Variants in WDR6 observed in about 807,000 individuals in gnomAD.
WDR6 encodes tRNA (34-2'-O)-methyltransferase regulator WDR6.
A neutral mutation model predicts 85.6 loss-of-function variants in WDR6; 58 were observed. The observed-to-expected ratio is 0.68, with a 90% confidence interval of 0.55 to 0.84. The LOEUF (loss-of-function observed/expected upper bound fraction) is 0.84. Ranked by LOEUF, WDR6 falls within the 40% of genes least tolerant of loss-of-function variation. The pLI, the probability that WDR6 is intolerant of heterozygous loss-of-function variation, is 0.00. For missense variants in WDR6, 1,310 were observed against 1,476.4 expected (o/e 0.89, Z 1.85); for synonymous variants, 569 against 582.2 (o/e 0.98, Z 0.33).
At position 49,015,294 on chromosome 3, in the gene WDR6, C is replaced by G. The variant is rs376777128; in HGVS notation, c.*6C>G. On this transcript the variant is annotated 3_prime_UTR_variant, in exon 6 of 6. Coordinates refer to ENST00000608424, the MANE Select transcript of WDR6 (RefSeq NM_018031.6). ...TTTACAACTGGTATGACTGAGGTATCCTGCGGTGGCTGGCGTGCTGGGCAT... is the reference window on the plus strand; with the variant it reads ...TTTACAACTGGTATGACTGAGGTATGCTGCGGTGGCTGGCGTGCTGGGCAT... 21 of 1,606,034 alleles carry G rather than the reference C, an allele frequency of 1.3e-5. No homozygotes were observed. In the African/African-American group the frequency reaches 2.3e-4, roughly 17 times the overall value.
Position 49,012,915 on chromosome 3 carries a change from G to T in WDR6, c.1381G>T (p.Val461Leu), listed in dbSNP as rs1210036840. The T allele has an allele frequency of 6.2e-7, 1 of 1,613,866 alleles. No homozygotes were observed. The highest frequency in any genetic ancestry group is 8.5e-7 in the Non-Finnish European group (1 of 1,179,960). The change falls in exon 2 of 6, where the codon GTA becomes TTA. Residue 461 changes from valine (V) to leucine (L), a missense_variant. Val to Leu is a conservative substitution (Grantham distance 32). Coordinates refer to ENST00000608424, the MANE Select transcript of WDR6 (RefSeq NM_018031.6). This position sits in a 1 kb window ranked among gnomAD's most constrained non-coding sequence, Gnocchi z 4.4. ...GTTGCTGGCATCGGGCCCTGGCGGG[G>T]TAGTAGCTTGCCTAGAGATCTCAGC... The part of the protein sequence containing the change: ...LLLLASGPGG[V>L]VACLEISAAP...
Position 49,013,057 on chromosome 3 carries a change from G to A in WDR6, c.1523G>A (p.Cys508Tyr). ...AFLPPGDFLV[C>Y]GDRRGSVLLF... ...CTACCCCCAGGTGACTTCCTGGTGT[G>A]TGGTGACCGCCGGGGCTCTGTGCTG... Residue 508 changes from cysteine (C) to tyrosine (Y), a missense_variant, in exon 2 of 6, where the codon TGT becomes TAT. Transcript: ENST00000608424. This position sits in a 1 kb window ranked among gnomAD's most constrained non-coding sequence, Gnocchi z 4.6. The A allele has an allele frequency of 2.5e-6, 4 of 1,611,984 alleles. No homozygotes were observed. The highest frequency in any genetic ancestry group is 3.4e-6 in the Non-Finnish European group (4 of 1,178,610).
Position 49,015,524 on chromosome 3 carries a change from GTTTTTGC to G in WDR6, c.*242_*248del. The G allele has an allele frequency of 1.9e-6, 3 of 1,601,214 alleles. No individual in the cohort carries two copies. Among genetic ancestry groups the G allele is most frequent in the Non-Finnish European group, 2.6e-6 (3 of 1,172,292 alleles). ...CAGTACCAATTTATTTTGGCCGTGGGTTTTTGCTTTTTTTCCAGTTGATGACTTTGTG... is the reference window on the plus strand; with the variant it reads ...CAGTACCAATTTATTTTGGCCGTGGGTTTTTTTCCAGTTGATGACTTTGTG... On this transcript the variant is annotated 3_prime_UTR_variant, in exon 6 of 6. Coordinates refer to ENST00000608424, the MANE Select transcript of WDR6 (RefSeq NM_018031.6).
chr3:49,013,661 T>C lies in WDR6; in HGVS notation c.2127T>C (p.Arg709=), dbSNP rs1206198099. The change falls in exon 2 of 6, where the codon CGT becomes CGC. Residue 709 remains arginine (R), a synonymous_variant. Coordinates refer to ENST00000608424, the MANE Select transcript of WDR6 (RefSeq NM_018031.6). The surrounding 1 kb of genome is among the most constrained non-coding windows in gnomAD (Gnocchi z 4.6). ...GCCGTGAGATCACTTGTGTAAAGCGTGTGGGCACCATTACCCTGGGGCCTG... is the reference window on the plus strand; with the variant it reads ...GCCGTGAGATCACTTGTGTAAAGCGCGTGGGCACCATTACCCTGGGGCCTG... The part of the protein sequence containing the change: ...LHGREITCVK[R]VGTITLGPEY... 1.2e-6 allele frequency: 2 copies of C among 1,614,082 alleles called. No individual in the cohort carries two copies. The highest frequency in any genetic ancestry group is 3.3e-5 in the Admixed American group (2 of 60,028).
chr3:49,015,480 G>T lies in WDR6; in HGVS notation c.*192G>T. 6.5e-7 allele frequency: 1 copy of T among 1,543,488 alleles called. No homozygotes were observed. Among genetic ancestry groups the T allele is most frequent in the African/African-American group, 1.4e-5 (1 of 73,162 alleles). On this transcript the variant is annotated 3_prime_UTR_variant, in exon 6 of 6. Coordinates refer to ENST00000608424, the MANE Select transcript of WDR6 (RefSeq NM_018031.6). The stretch of plus-strand genomic sequence containing the variant: ...GAATATGCCCGACTCCCCATGACAA[G>T]ACAGAACTTTGTAACAAACAGTACC...
rs752221907 is a variant in WDR6, at chr3:49,011,901, C to T, written c.367C>T (p.Arg123Cys). 49 of 1,614,174 alleles carry T rather than the reference C, an allele frequency of 3.0e-5. No individual in the cohort carries two copies. The Middle Eastern group carries it at 4.9e-4, about 16-fold the overall frequency. ...CATGTCTGACTGGATTTGGGATGCA[C>T]GCTGGCTTGAGGGAAATATAGCCTT... ...WNMSDWIWDARWLEGNIALAL... is the reference protein window; with the variant it reads ...WNMSDWIWDACWLEGNIALAL... Residue 123 changes from arginine (R) to cysteine (C), a missense_variant, in exon 2 of 6, where the codon CGC (arginine) becomes TGC (cysteine). By Grantham distance (180) the Arg-to-Cys change is radical. Transcript: ENST00000608424.
rs1371981720 is a variant in WDR6, at chr3:49,007,553, G to T, written c.100+22G>T. 6.4e-7 allele frequency: 1 copy of T among 1,572,186 alleles called. No homozygotes were observed. Among genetic ancestry groups the T allele is most frequent in the East Asian group, 2.3e-5 (1 of 43,638 alleles). On this transcript the variant is annotated intron_variant, in intron 1 of 5. Transcript: ENST00000608424. The surrounding 1 kb of genome is among the most constrained non-coding windows in gnomAD (Gnocchi z 5.1). ...GCGGGTGAGGCTTGGCTTGAGGCAC[G>T]CCTGGTGGAAAGGGGGAAAGAAACA...
In WDR6 at chr3:49,014,362, G is replaced by C; in HGVS notation, c.2667-21G>C. The C allele has an allele frequency of 6.2e-7, 1 of 1,614,070 alleles. No homozygotes were observed. The highest frequency in any genetic ancestry group is 8.5e-7 in the Non-Finnish European group (1 of 1,179,996). On this transcript the variant is annotated intron_variant, in intron 3 of 5. Coordinates refer to ENST00000608424, the MANE Select transcript of WDR6 (RefSeq NM_018031.6). The surrounding 1 kb of genome is among the most constrained non-coding windows in gnomAD (Gnocchi z 4.9). ...GGTTGTCTAGGATGCGTTCTGAGCTGGGCCACCCCCCGCCCCCCAGGCTCT... is the reference window on the plus strand; with the variant it reads ...GGTTGTCTAGGATGCGTTCTGAGCTCGGCCACCCCCCGCCCCCCAGGCTCT...
chr3:49,014,544 G>T lies in WDR6; in HGVS notation c.2783+45G>T, dbSNP rs1281726610. The T allele has an allele frequency of 1.2e-6, 2 of 1,613,654 alleles. No individual in the cohort carries two copies. The highest frequency in any genetic ancestry group is 8.5e-7 in the Non-Finnish European group (1 of 1,179,864). On this transcript the variant is annotated intron_variant, in intron 4 of 5. Transcript: ENST00000608424. This position sits in a 1 kb window ranked among gnomAD's most constrained non-coding sequence, Gnocchi z 4.9. The stretch of plus-strand genomic sequence containing the variant: ...GGTCCTGCATGGGCTGGGTTGGGGG[G>T]TTCCTGTTGAGCTTCATCTCTGTTA...
At position 49,014,509 on chromosome 3, in the gene WDR6, G is replaced by A; in HGVS notation, c.2783+10G>A. 1 of 1,614,038 alleles carries A rather than the reference G, an allele frequency of 6.2e-7. No homozygotes were observed. The highest frequency in any genetic ancestry group is 8.5e-7 in the Non-Finnish European group (1 of 1,179,986). Reference sequence around the variant, plus strand: ...CACCCAACCAGAGGCGGTGAGAGGGGCTGGATGATGGTCCTGCATGGGCTG... The same window carrying A: ...CACCCAACCAGAGGCGGTGAGAGGGACTGGATGATGGTCCTGCATGGGCTG... On this transcript the variant is annotated intron_variant, in intron 4 of 5. Coordinates refer to ENST00000608424, the MANE Select transcript of WDR6 (RefSeq NM_018031.6). The surrounding 1 kb of genome is among the most constrained non-coding windows in gnomAD (Gnocchi z 4.9).
chr3:49,012,538 T>TG lies in WDR6; in HGVS notation c.1009dup (p.Val337GlyfsTer10), dbSNP rs1165219783. The TG allele has an allele frequency of 6.2e-7, 1 of 1,613,908 alleles. No individual in the cohort carries two copies. Among genetic ancestry groups the TG allele is most frequent in the South Asian group, 1.1e-5 (1 of 91,074 alleles). Reference sequence around the variant, plus strand: ...TTGGTAGGGCGTGGGTACCGGGGATTGGGGGTCTCGGCTCTCTGCTTCAAG... The same window carrying TG: ...TTGGTAGGGCGTGGGTACCGGGGATTGGGGGGTCTCGGCTCTCTGCTTCAAG... On this transcript the variant is annotated frameshift_variant, in exon 2 of 6. Coordinates refer to ENST00000608424, the MANE Select transcript of WDR6 (RefSeq NM_018031.6). LOFTEE classifies it high-confidence loss of function. The surrounding 1 kb of genome is among the most constrained non-coding windows in gnomAD (Gnocchi z 4.4).
rs1559900580 is a variant in WDR6, at chr3:49,015,225, T to C, written c.3303T>C (p.Pro1101=). The C allele has an allele frequency of 6.2e-7, 1 of 1,613,584 alleles. No individual in the cohort carries two copies. Among genetic ancestry groups the C allele is most frequent in the Non-Finnish European group, 8.5e-7 (1 of 1,180,012 alleles). ...VADMDCWPVS[P]EFGHRCALGG... The stretch of plus-strand genomic sequence containing the variant: ...ACATGGACTGCTGGCCTGTGAGCCC[T>C]GAGTTTGGCCACCGTTGTGCCCTTG... The change falls in exon 6 of 6, where the codon CCT becomes CCC. Residue 1101 remains proline, a synonymous_variant. Coordinates refer to ENST00000608424, the MANE Select transcript of WDR6 (RefSeq NM_018031.6).
chr3:49,011,424 C>G, intron 1 of WDR6: 1 of 1,400,986 alleles, frequency 7.1e-7, no homozygotes, highest in Non-Finnish European at 9.6e-7. Context: ...GAGACAGAGT[C>G]TGGCTTTGGC....
rs2093028839 is a variant in WDR6 at position 49,013,376 on chromosome 3, C to G, written c.1842C>G (p.Asn614Lys). ...GGCAGAAGTCCTGTCGAGGCATGAA[C>G]TGGCTAGCTGGGCTCCGTATAGTGC... The part of the protein sequence containing the change: ...VLRQKSCRGM[N>K]WLAGLRIVPD... The change falls in exon 2 of 6, where the codon AAC becomes AAG. Residue 614 changes from asparagine to lysine, a missense_variant. Coordinates refer to ENST00000608424, the MANE Select transcript of WDR6 (RefSeq NM_018031.6). The surrounding 1 kb of genome is among the most constrained non-coding windows in gnomAD (Gnocchi z 4.6). The G allele has an allele frequency of 6.2e-7, 1 of 1,614,188 alleles. No individual in the cohort carries two copies. Among genetic ancestry groups the G allele is most frequent in the Non-Finnish European group, 8.5e-7 (1 of 1,180,026 alleles).
chr3:49,007,419 C>G lies in WDR6; in HGVS notation c.-13C>G, dbSNP rs138686207. ...TTCTTAGCCGTGGCTGCCTCAGCAC[C>G]TCGAGGATCGACATGGACGCTCTCG... is the stretch of plus-strand genomic sequence containing the variant. On this transcript the variant is annotated 5_prime_UTR_variant, in exon 1 of 6. Coordinates refer to ENST00000608424, the MANE Select transcript of WDR6 (RefSeq NM_018031.6). The surrounding 1 kb of genome is among the most constrained non-coding windows in gnomAD (Gnocchi z 5.1). 1.2e-6 allele frequency: 2 copies of G among 1,607,734 alleles called. No individual in the cohort carries two copies. Among genetic ancestry groups the G allele is most frequent in the Non-Finnish European group, 1.7e-6 (2 of 1,177,680 alleles).
At position 49,013,053 on chromosome 3, in the gene WDR6, G is replaced by A. The variant is rs1559897086; in HGVS notation, c.1519G>A (p.Val507Met). ...SAFLPPGDFL[V>M]CGDRRGSVLL... ...CTTCCTACCCCCAGGTGACTTCCTGGTGTGTGGTGACCGCCGGGGCTCTGT... is the reference window on the plus strand; with the variant it reads ...CTTCCTACCCCCAGGTGACTTCCTGATGTGTGGTGACCGCCGGGGCTCTGT... The change falls in exon 2 of 6, where the codon GTG becomes ATG. Residue 507 changes from valine (V) to methionine (M), a missense_variant. Transcript: ENST00000608424. This position sits in a 1 kb window ranked among gnomAD's most constrained non-coding sequence, Gnocchi z 4.6. 1 of 1,612,100 alleles carries A rather than the reference G, an allele frequency of 6.2e-7. No homozygotes were observed. The highest frequency in any genetic ancestry group is 8.5e-7 in the Non-Finnish European group (1 of 1,178,768).
chr3:49,012,505 T>A lies in WDR6; in HGVS notation c.971T>A (p.Leu324Gln). The A allele has an allele frequency of 1.2e-6, 2 of 1,614,072 alleles. No homozygotes were observed. The highest frequency in any genetic ancestry group is 1.7e-6 in the Non-Finnish European group (2 of 1,180,008). ...ITGGDDSGIRLWHLVGRGYRG... is the reference protein window; with the variant it reads ...ITGGDDSGIRQWHLVGRGYRG... ...GGGGGTGATGACTCAGGCATTCGGC[T>A]GTGGCACTTGGTAGGGCGTGGGTAC... The change falls in exon 2 of 6, where the codon CTG becomes CAG. Residue 324 changes from leucine to glutamine, a missense_variant. Coordinates refer to ENST00000608424, the MANE Select transcript of WDR6 (RefSeq NM_018031.6). This position sits in a 1 kb window ranked among gnomAD's most constrained non-coding sequence, Gnocchi z 4.4.
Position 49,012,140 on chromosome 3 carries a change from C to A in WDR6, c.606C>A (p.Asp202Glu), listed in dbSNP as rs1326563084. 2 of 1,614,182 alleles carry A rather than the reference C, an allele frequency of 1.2e-6. No homozygotes were observed. Among genetic ancestry groups the A allele is most frequent in the Admixed American group, 1.7e-5 (1 of 60,022 alleles). The change falls in exon 2 of 6, where the codon GAC becomes GAA. Residue 202 changes from aspartate to glutamate, a missense_variant. Asp to Glu is a conservative substitution (Grantham distance 45). Transcript: ENST00000608424. The surrounding 1 kb of genome is among the most constrained non-coding windows in gnomAD (Gnocchi z 4.4). ...CAGACAACAAACCTGTAGCACCTGA[C>A]CGACGAATCAGTGGGCATGTGGGCA... ...ALADNKPVAP[D>E]RRISGHVGII...
Position 49,007,477 on chromosome 3 carries a change from CT to C in WDR6, c.48del (p.Ile17TyrfsTer5). On this transcript the variant is annotated frameshift_variant, in exon 1 of 6. Coordinates refer to ENST00000608424, the MANE Select transcript of WDR6 (RefSeq NM_018031.6). LOFTEE classifies it high-confidence loss of function. The surrounding 1 kb of genome is among the most constrained non-coding windows in gnomAD (Gnocchi z 5.1). ...DYVWPRATSE[L>X]ILLPVTGLEC... is the part of the protein sequence containing the mutation. ...CGTTTGGCCGCGGGCAACCTCGGAG[CT>C]TATACTCCTCCCAGTGACGGGTCTG... 6.2e-7 allele frequency: 1 copy of C among 1,611,968 alleles called. No homozygotes were observed. Among genetic ancestry groups the C allele is most frequent in the Non-Finnish European group, 8.5e-7 (1 of 1,178,512 alleles).
Sources: allele counts gnomAD v4.1 joint callset, GRCh38; gene constraint gnomAD v4.1.1; non-coding constraint Gnocchi (gnomAD v3.1); transcripts MANE v1.5; gene names NCBI Gene and HGNC (gene_info 2026-07-23, HGNC 2026-07-21).